Variants in PRELID2 observed in about 807,000 individuals in gnomAD.
The protein encoded by PRELID2 is PRELI domain-containing protein 2.
A neutral mutation model predicts 28.4 loss-of-function variants in PRELID2; 25 were observed. The ratio of observed to expected loss-of-function variants is 0.88; its 90% CI spans 0.64 to 1.23. The LOEUF is 1.23. Among genes scored for constraint, PRELID2 ranks in the 50% most tolerant of loss-of-function variants. The pLI is 0.00. For synonymous variants in PRELID2, 76 were observed against 71.6 expected (o/e 1.06, Z -0.31); for missense variants, 201 against 214.4 (o/e 0.94, Z 0.39).
the PRELID2 span, among the ~76,000 whole-genome samples, chr5:145,268,694 CCAGA>C: frequency 2.0e-5 from 3 of 151,692 alleles, no homozygotes; most frequent in African/African-American, 4.8e-5. Flanking sequence ...GAGGTCCTAA[CCAGA>C]CAAAGAAGAA....
At chr5:145,704,305 A>G (rs1459332927) in intron 1 of PRELID2, 2 of 152,218 alleles carry the variant, frequency 1.3e-5, no homozygotes, top group African/African-American at 4.8e-5. Flanking sequence ...CCTGGAAACA[A>G]TGTAAAAGAC....
chr5:145,671,561 G>A (rs1299252742), intron 1 of PRELID2, among the ~76,000 whole-genome samples: 1 of 152,170 alleles, frequency 6.6e-6, no homozygotes, highest in African/African-American at 2.4e-5. Flanking sequence ...TTAGCTGTAT[G>A]TTAAAAGAAA....
At chr5:145,485,991 T>C (rs1580955031) in intron 1 of PRELID2, among the ~76,000 whole-genome samples, 1 of 152,190 alleles carries the variant, frequency 6.6e-6, no homozygotes, top group East Asian at 1.9e-4. Flanking sequence ...CATTTCCAAC[T>C]TTCATACGTA....
intron 4 of PRELID2, among the ~76,000 whole-genome samples, chr5:145,809,020 C>T (rs1206727939): frequency 2.0e-5 from 3 of 146,866 alleles, no homozygotes; most frequent in Non-Finnish European, 3.0e-5. Flanking sequence ...CTTCACTAGG[C>T]TGAGCTTTTT....
At chr5:145,229,415 A>G in the PRELID2 span, 7 of 763,008 alleles carry the variant, frequency 9.2e-6, no homozygotes, top group South Asian at 9.4e-5. Context: ...GAACCCCAAG[A>G]ACCAAGTGCC....
chr5:145,291,270 G>A, the PRELID2 span, among the ~76,000 whole-genome samples: 1 of 149,634 alleles, frequency 6.7e-6, no homozygotes, highest in Non-Finnish European at 1.5e-5. Context: ...CCGGGAGGCG[G>A]AGGTCGCAGT....
At chr5:145,421,716 T>C in the PRELID2 span, among the ~76,000 whole-genome samples, 4 of 145,400 alleles carry the variant, frequency 2.8e-5, 1 homozygote, top group South Asian at 2.1e-4. Context: ...TGAAGGGTTT[T>C]TTTGTCTCTA....
the PRELID2 span, among the ~76,000 whole-genome samples, chr5:145,259,587 A>C: frequency 6.6e-6 from 1 of 152,324 alleles, no homozygotes; most frequent in Non-Finnish European, 1.5e-5. Flanking sequence ...TGCATGGAAC[A>C]TGTAGCCCCT....
Position 145,690,476 on chromosome 5 carries a change from G to A in PRELID2, n.70+74455C>T, listed in dbSNP as rs1031464184. ...CTAAGAAAGGGACTGTTCTCCATCTGAAACTTAAACTGCCATTAAAGAGTA... is the reference window on the plus strand; with the variant it reads ...CTAAGAAAGGGACTGTTCTCCATCTAAAACTTAAACTGCCATTAAAGAGTA... On this transcript the variant is annotated intron_variant and non_coding_transcript_variant, in intron 1 of 2. Coordinates refer to the PRELID2 transcript ENST00000510259. 4.6e-5 allele frequency among the ~76,000 whole-genome samples: 7 copies of A among 152,288 alleles called. No individual in the cohort carries two copies. In the East Asian group the frequency reaches 1.4e-3, roughly 29 times the overall value.
At chr5:145,280,317 A>C in the PRELID2 span, among the ~76,000 whole-genome samples, 1 of 152,170 alleles carries the variant, frequency 6.6e-6, no homozygotes, top group Non-Finnish European at 1.5e-5. Flanking sequence ...TAAATGTGAC[A>C]ATTGAGAGCA....
the PRELID2 span, among the ~76,000 whole-genome samples, chr5:145,284,991 C>T: frequency 6.6e-6 from 1 of 152,124 alleles, no homozygotes; most frequent in Non-Finnish European, 1.5e-5. Flanking sequence ...ATGCATTTCA[C>T]TTGTACTGGT....
At chr5:145,818,660 A>G (rs991848403) in intron 3 of PRELID2, among the ~76,000 whole-genome samples, 5 of 152,224 alleles carry the variant, frequency 3.3e-5, no homozygotes, top group Admixed American at 3.3e-4. Flanking sequence ...ATTTGCTGCT[A>G]CACTGCAACA....
chr5:145,740,771 T>A (rs1173183032), intron 1 of PRELID2, among the ~76,000 whole-genome samples: 2 of 117,890 alleles, frequency 1.7e-5, no homozygotes, highest in African/African-American at 6.7e-5. Context: ...TATAAATATA[T>A]AATATATTTA....
intron 1 of PRELID2, among the ~76,000 whole-genome samples, chr5:145,594,180 AT>A (rs1360917330): frequency 2.0e-5 from 3 of 152,022 alleles, no homozygotes; most frequent in Non-Finnish European, 4.4e-5. Flanking sequence ...ATATGTTTGC[AT>A]TTTTTCATAA....
At chr5:145,416,355 G>A in the PRELID2 span, among the ~76,000 whole-genome samples, 5 of 151,938 alleles carry the variant, frequency 3.3e-5, no homozygotes, top group Non-Finnish European at 5.9e-5. Context: ...ACATAGGCAC[G>A]GGCAAGGACT....
At chr5:145,289,777 T>C in the PRELID2 span, among the ~76,000 whole-genome samples, 1 of 152,314 alleles carries the variant, frequency 6.6e-6, no homozygotes, top group East Asian at 1.9e-4. Flanking sequence ...GTCTGTTTTA[T>C]CTTGTTAATT....
At chr5:145,617,790 A>G (rs1212605821) in intron 1 of PRELID2, among the ~76,000 whole-genome samples, 4 of 150,698 alleles carry the variant, frequency 2.7e-5, no homozygotes, top group Non-Finnish European at 5.9e-5. Flanking sequence ...CTGGAGTGAA[A>G]TGGCGCTATC....
chr5:145,722,891 A>G (rs189234823), intron 1 of PRELID2, among the ~76,000 whole-genome samples: 1 of 152,294 alleles, frequency 6.6e-6, no homozygotes, highest in Non-Finnish European at 1.5e-5. Flanking sequence ...TAGAAAAAAC[A>G]TTGTATCAAG....
intron 1 of PRELID2, among the ~76,000 whole-genome samples, chr5:145,654,212 C>T (rs1275840401): frequency 6.6e-6 from 1 of 152,144 alleles, no homozygotes; most frequent in Non-Finnish European, 1.5e-5. Flanking sequence ...GAACTCGAAT[C>T]CCTGAATAGA....
Sources: gnomAD v4.1 joint callset for allele counts (sites outside exome capture counted in the v4.1 genomes callset) on GRCh38, gnomAD v4.1.1 for gene constraint, MANE v1.5 for transcripts, NCBI Gene and HGNC (gene_info 2026-07-23, HGNC 2026-07-21) for gene names.